The following COL5A1 variants were observed in gnomAD, a reference collection of about 807,000 sequenced individuals.
The protein encoded by COL5A1 is collagen type V alpha 1 chain.
COL5A1 carries 16 observed loss-of-function variants against 263.7 expected under a neutral mutation model. That is an observed-to-expected ratio of 0.06 (90% CI 0.04 to 0.09). The LOEUF is 0.09. Ranked by LOEUF, COL5A1 falls within the 10% of genes least tolerant of loss-of-function variation. The probability of loss-of-function intolerance (pLI) is 1.00; values close to 1 mark genes in which losing one functional copy is unlikely to be tolerated. For synonymous variants in COL5A1, 1,012 were observed against 1,004.5 expected, an observed-to-expected ratio of 1.01 and a Z score of -0.14; for missense variants, 2,036 against 2,540.5, an observed-to-expected ratio of 0.80 and a Z score of 4.27.
chr9:134,654,580 GGTGTGTAGGGCTGGGA>G (rs1831858521), intron 1 of COL5A1, among the ~76,000 whole-genome samples: 1 of 127,864 alleles, frequency 7.8e-6, no homozygotes, highest in East Asian at 2.6e-4. Flanking sequence ...TAGGGCTGGG[GGTGTGTAGGGCTGGGA>G]GTGTGTAGGG....
intron 31 of COL5A1, among the ~76,000 whole-genome samples, chr9:134,787,928 C>G (rs779519667): frequency 1.3e-5 from 2 of 152,086 alleles, no homozygotes; most frequent in Non-Finnish European, 2.9e-5. Flanking sequence ...AGAGCTGAAG[C>G]CTGTGAAATG....
chr9:134,745,779 G>A (rs1243876403), intron 11 of COL5A1, among the ~76,000 whole-genome samples: 1 of 152,166 alleles, frequency 6.6e-6, no homozygotes, highest in Non-Finnish European at 1.5e-5. Flanking sequence ...TAGTTCTGGA[G>A]GCCAGAAATC....
intron 1 of COL5A1, among the ~76,000 whole-genome samples, chr9:134,685,329 CATCT>C (rs1414408067): frequency 1.3e-5 from 2 of 149,356 alleles, no homozygotes; most frequent in African/African-American, 2.5e-5. Context: ...TTCATCCATC[CATCT>C]GTCCATCCAT....
intron 4 of COL5A1, among the ~76,000 whole-genome samples, chr9:134,705,620 G>A (rs1479103187): frequency 6.6e-6 from 1 of 152,228 alleles, no homozygotes; most frequent in African/African-American, 2.4e-5. Flanking sequence ...ATTTTGGGTT[G>A]GTGAGATCAA....
At chr9:134,785,873 C>A in intron 30 of COL5A1, 122 bp from the exon 31 acceptor site, 1 of 874,940 alleles carries the variant, frequency 1.1e-6, no homozygotes, top group South Asian at 1.4e-5. Context: ...CGTGTGCCCC[C>A]GCCTCTGGAA....
chr9:134,792,772 C>T lies in COL5A1; in HGVS notation c.2701-2310C>T, dbSNP rs201909217. ...ATGCATGCGTGCATGTGTGTGTGTGCGTGTGTGTACATATGTGTGTGTGCA... is the reference window on the plus strand; with the variant it reads ...ATGCATGCGTGCATGTGTGTGTGTGTGTGTGTGTACATATGTGTGTGTGCA... On this transcript the variant is annotated intron_variant, in intron 32 of 65. Coordinates refer to ENST00000371817, the MANE Select transcript of COL5A1 (RefSeq NM_000093.5). 2.0e-5 allele frequency among the ~76,000 whole-genome samples: 3 copies of T among 151,114 alleles called. 1 individual carries two copies. The East Asian group carries it at 5.8e-4, about 29-fold the overall frequency.
intron 28 of COL5A1, among the ~76,000 whole-genome samples, chr9:134,781,794 G>A (rs1161311009): frequency 6.6e-6 from 1 of 152,170 alleles, no homozygotes; most frequent in Non-Finnish European, 1.5e-5. Context: ...TGAGGCCCTG[G>A]GAGCCCCGGG....
chr9:134,690,860 A>G, intron 1 of COL5A1, 52 bp from the exon 2 acceptor site: 5 of 1,608,676 alleles, frequency 3.1e-6, no homozygotes, highest in Non-Finnish European at 4.2e-6. Flanking sequence ...GGGTGTTCCC[A>G]GGTGCTCCTT....
intron 64 of COL5A1, among the ~76,000 whole-genome samples, chr9:134,831,953 G>T (rs1185396440): frequency 6.6e-6 from 1 of 152,176 alleles, no homozygotes; most frequent in Middle Eastern, 3.2e-3. Flanking sequence ...AGAGGTAGAT[G>T]GGGGCCTCTC....
rs1055012058 is a variant in COL5A1 at position 134,755,490 on chromosome 9, G to A, written c.1827+1164G>A. ...ATCTGCTGCAGAAGAAAAGATGGTG[G>A]TGAGAGAGGGGCTTGGAGCTGAGGG... On this transcript the variant is annotated intron_variant, in intron 16 of 65. Coordinates refer to ENST00000371817, the MANE Select transcript of COL5A1 (RefSeq NM_000093.5). This position sits in a 1 kb window ranked among gnomAD's most constrained non-coding sequence, Gnocchi z 4.1. Among the ~76,000 whole-genome samples the A allele has an allele frequency of 1.3e-5, 2 of 152,212 alleles. No individual in the cohort carries two copies. Among genetic ancestry groups the A allele is most frequent in the African/African-American group, 2.4e-5 (1 of 41,446 alleles).
chr9:134,795,065 C>A lies in COL5A1; in HGVS notation c.2701-17C>A. On this transcript the variant is annotated splice_polypyrimidine_tract_variant and intron_variant, in intron 32 of 65. Coordinates refer to ENST00000371817, the MANE Select transcript of COL5A1 (RefSeq NM_000093.5). ...GGCATTTAGAGAGTGACTGACCAGC[C>A]CCTTCTCTGATTCTAGGGGACCCCT... The A allele has an allele frequency of 6.2e-7, 1 of 1,613,546 alleles. No homozygotes were observed. The highest frequency in any genetic ancestry group is 8.5e-7 in the Non-Finnish European group (1 of 1,179,606).
intron 29 of COL5A1, among the ~76,000 whole-genome samples, 165 bp downstream of exon 29, chr9:134,782,885 C>T (rs1172641908): frequency 6.6e-6 from 1 of 152,024 alleles, no homozygotes; most frequent in Non-Finnish European, 1.5e-5. Context: ...AGCCCAGGGC[C>T]CGACTCTCTC....
chr9:134,790,457 T>TCAAC, intron 32 of COL5A1, among the ~76,000 whole-genome samples: 1 of 69,844 alleles, frequency 1.4e-5, no homozygotes, highest in African/African-American at 6.1e-5. Flanking sequence ...CACTCACCCA[T>TCAAC]CCATCCAGCC....
rs368688469 is a variant in COL5A1, at chr9:134,668,196, A to G, written c.110-22716A>G. The stretch of plus-strand genomic sequence containing the variant: ...CTATCCTGTAGGCCAGAATGATCAA[A>G]CATTGGCCATTTCACATGGTTCAAT... On this transcript the variant is annotated intron_variant, in intron 1 of 65. Coordinates refer to ENST00000371817, the MANE Select transcript of COL5A1 (RefSeq NM_000093.5). Among the ~76,000 whole-genome samples the G allele has an allele frequency of 7.1e-4, 108 of 152,336 alleles. No homozygotes were observed. The South Asian group carries it at 0.021, about 30-fold the overall frequency.
intron 9 of COL5A1, among the ~76,000 whole-genome samples, chr9:134,738,173 C>A (rs1381575223): frequency 6.6e-6 from 1 of 152,164 alleles, no homozygotes; most frequent in African/African-American, 2.4e-5. Flanking sequence ...GCCTGGCGGT[C>A]TCGGCTCCTT....
intron 12 of COL5A1, 85 bp from the exon 13 acceptor site, chr9:134,750,705 A>G (rs1046988725): frequency 1.3e-6 from 2 of 1,592,964 alleles, no homozygotes; most frequent in East Asian, 2.2e-5. Flanking sequence ...GTCACTGGAG[A>G]GGCCTGTGGG....
intron 11 of COL5A1, among the ~76,000 whole-genome samples, chr9:134,740,097 G>A (rs1247193216): frequency 6.6e-6 from 1 of 152,210 alleles, no homozygotes; most frequent in Non-Finnish European, 1.5e-5. Flanking sequence ...GCCGTGGCGG[G>A]AAACAGAGTG....
At chr9:134,828,440 AC>A (rs1839386919) in intron 63 of COL5A1, among the ~76,000 whole-genome samples, 1 of 146,886 alleles carries the variant, frequency 6.8e-6, no homozygotes. Flanking sequence ...GTTCTACCAC[AC>A]ACACACACAC....
chr9:134,733,608 C>G (rs1464749695), intron 9 of COL5A1, among the ~76,000 whole-genome samples: 1 of 152,236 alleles, frequency 6.6e-6, no homozygotes, highest in Admixed American at 6.5e-5. Context: ...CAGGATCCCC[C>G]TGCTCAGCAT....
Sources: gnomAD v4.1 joint callset for allele counts (sites outside exome capture counted in the v4.1 genomes callset) on GRCh38, gnomAD v4.1.1 for gene constraint, Gnocchi (gnomAD v3.1) non-coding constraint, MANE v1.5 for transcripts, NCBI Gene and HGNC (gene_info 2026-07-23, HGNC 2026-07-21) for gene names.